Variants in RLIM observed in about 807,000 individuals in gnomAD.
The protein encoded by RLIM is E3 ubiquitin-protein ligase RLIM.
Under a neutral mutation model 34.0 loss-of-function variants are expected in RLIM, and 2 were observed. The observed-to-expected ratio is 0.06, with a 90% CI of 0.02 to 0.19. The LOEUF (loss-of-function observed/expected upper bound fraction) is 0.19, where lower values mean the gene tolerates loss of function less well. RLIM is among the 10% of genes least tolerant of loss of function. The probability of loss-of-function intolerance (pLI) is 1.00; values close to 1 mark genes in which losing one functional copy is unlikely to be tolerated. For missense variants in RLIM, 286 were observed against 479.7 expected (o/e 0.60, Z 3.77); for synonymous variants, 169 against 164.0 (o/e 1.03, Z -0.23).
In RLIM at chrX:74,586,452, A is replaced by C. The variant is rs1212388904; in HGVS notation, c.*4988T>G. ...TAAAGCAGCTCGTGGAACTTTAATA[A>C]ACAAATCCTAATAAAAATAAATAAT... On this transcript the variant is annotated 3_prime_UTR_variant, in exon 4 of 4. Transcript: ENST00000332687. 1.8e-5 allele frequency: 2 copies of C among 112,326 alleles called. No homozygotes were observed. The highest frequency in any genetic ancestry group is 5.6e-4 in the East Asian group (2 of 3,576). 9.3% of individuals were successfully genotyped at this position (112,326 alleles called of 1,213,427 possible).
In RLIM at chrX:74,589,561, T is replaced by C. The variant is rs1427459455; in HGVS notation, c.*1879A>G. The C allele has an allele frequency of 8.9e-6, 1 of 112,407 alleles. No individual in the cohort carries two copies. The highest frequency in any genetic ancestry group is 3.2e-5 in the African/African-American group (1 of 30,972). The allele number at this position is 112,407 out of a possible 1,213,427, so 9.3% of individuals were successfully genotyped here. A position where few individuals can be genotyped will look rare whatever the true frequency, so the allele number is the denominator to read the frequency against. The stretch of plus-strand genomic sequence containing the variant: ...TTTACAAGTTAATTTCCTTGATACT[T>C]AGATAGGATTGAAAGCCAGAAGAAA... On this transcript the variant is annotated 3_prime_UTR_variant, in exon 4 of 4. Transcript: ENST00000332687.
rs1414452640 is a variant in RLIM at position 74,584,561 on chromosome X, G to A, written c.*6879C>T. Among the ~76,000 whole-genome samples the A allele has an allele frequency of 3.6e-5, 4 of 111,080 alleles. No individual in the cohort carries two copies. On this transcript the variant is annotated 3_prime_UTR_variant, in exon 4 of 4. Transcript: ENST00000332687. ...AGTTTATAATCCACCCAGATTTATC[G>A]AATCCTTTCTTCTAGGTATCTGGGG...
At position 74,584,027 on chromosome X, in the gene RLIM, A is replaced by G. The variant is rs774484293; in HGVS notation, c.*7413T>C. On this transcript the variant is annotated 3_prime_UTR_variant, in exon 4 of 4. Coordinates refer to ENST00000332687, the MANE Select transcript of RLIM (RefSeq NM_016120.4). ...ACCATTGCACTCCAGCCTGGGCGAC[A>G]GGGCGAGAATCCATCTCAAACAAAC... 8.9e-6 allele frequency among the ~76,000 whole-genome samples: 1 copy of G among 112,008 alleles called. No homozygotes were observed. The highest frequency in any genetic ancestry group is 3.3e-5 in the African/African-American group (1 of 30,766).
At chrX:74,610,908 A>AAT (rs2079707972) in intron 1 of RLIM, among the ~76,000 whole-genome samples, 1 of 111,494 alleles carries the variant, frequency 9.0e-6, no homozygotes, top group Non-Finnish European at 1.9e-5. Flanking sequence ...AAAAAAATAA[A>AAT]AAATAAATAA....
rs2079615926 is a variant in RLIM, at chrX:74,591,877, T to C, written c.1438A>G (p.Ser480Gly). ...GTTTCTGAACTTTCACCACCGGAAC[T>C]GGAACTAGGACTGGAACTGGAACTT... ...SSSSSSSPSS[S>G]SGGESSETSS... Residue 480 changes from serine to glycine, a missense_variant, in exon 4 of 4, where the codon AGT becomes GGT. Around this residue, in one of 6 missense-constraint regions of RLIM, gnomAD observed 69 missense variants for 83.5 expected, o/e 0.83. Coordinates refer to ENST00000332687, the MANE Select transcript of RLIM (RefSeq NM_016120.4). 2 of 1,209,425 alleles carry C rather than the reference T, an allele frequency of 1.7e-6. No individual in the cohort carries two copies. Among genetic ancestry groups the C allele is most frequent in the Non-Finnish European group, 2.2e-6 (2 of 894,924 alleles).
chrX:74,585,603 AAT>A lies in RLIM; in HGVS notation c.*5835_*5836del, dbSNP rs1931329411. The A allele has an allele frequency of 8.9e-6, 1 of 112,303 alleles. No individual in the cohort carries two copies. The highest frequency in any genetic ancestry group is 3.7e-4 in the South Asian group (1 of 2,731). The allele number at this position is 112,303 out of a possible 1,213,427, so 9.3% of individuals were successfully genotyped here. A position where few individuals can be genotyped will look rare whatever the true frequency, so the allele number is the denominator to read the frequency against. On this transcript the variant is annotated 3_prime_UTR_variant, in exon 4 of 4. Transcript: ENST00000332687. ...AACTATTAATAATCAAACCAGCTTT[AAT>A]ATGATTGACCTTTCAAGGTCTTGTT...
At chrX:74,601,805 T>A (rs2079662663) in intron 1 of RLIM, among the ~76,000 whole-genome samples, 1 of 111,833 alleles carries the variant, frequency 8.9e-6, no homozygotes, top group African/African-American at 3.3e-5. Context: ...ATAGGAATTA[T>A]CTGGAAATCT....
chrX:74,606,335 T>C (rs1231101852), intron 1 of RLIM, among the ~76,000 whole-genome samples: 1 of 111,880 alleles, frequency 8.9e-6, no homozygotes, highest in Non-Finnish European at 1.9e-5. Flanking sequence ...GCTACTCATC[T>C]GGTCAATGAA....
At chrX:74,603,944 A>C (rs977964940) in intron 1 of RLIM, among the ~76,000 whole-genome samples, 1 of 110,049 alleles carries the variant, frequency 9.1e-6, no homozygotes, top group Non-Finnish European at 1.9e-5. Context: ...CCCCGTCTCT[A>C]CTAAAAATAC....
At position 74,595,920 on chromosome X, in the gene RLIM, T is replaced by G; in HGVS notation, c.58A>C (p.Arg20=). 3 of 1,207,981 alleles carry G rather than the reference T, an allele frequency of 2.5e-6. No homozygotes were observed. The highest frequency in any genetic ancestry group is 2.2e-6 in the Non-Finnish European group (2 of 892,771). ...CGATCCAATCGGTCCATCTGACTTC[T>G]GCGCTGTGCTGCAGACTGATCACCA... ...GSGDQSAAQR[R]SQMDRLDREE... Residue 20 remains arginine, a synonymous_variant, in exon 2 of 4, where the codon AGA becomes CGA. Coordinates refer to ENST00000332687, the MANE Select transcript of RLIM (RefSeq NM_016120.4).
At chrX:74,607,941 G>GT (rs2079689665) in intron 1 of RLIM, among the ~76,000 whole-genome samples, 1 of 112,568 alleles carries the variant, frequency 8.9e-6, no homozygotes, top group Admixed American at 9.4e-5. Context: ...ATATCATTAC[G>GT]TATGTAGGCA....
At chrX:74,599,085 G>A (rs2079651161) in intron 1 of RLIM, among the ~76,000 whole-genome samples, 1 of 111,677 alleles carries the variant, frequency 9.0e-6, no homozygotes, top group Non-Finnish European at 1.9e-5. Context: ...GAAAAACTGT[G>A]AGAATTTGGT....
At chrX:74,598,261 A>G (rs1339973801) in intron 1 of RLIM, among the ~76,000 whole-genome samples, 8 of 111,731 alleles carry the variant, frequency 7.2e-5, no homozygotes, top group Non-Finnish European at 1.9e-5. Flanking sequence ...TAACTGTGCA[A>G]CTGAGGAGCT....
intron 1 of RLIM, among the ~76,000 whole-genome samples, chrX:74,602,454 G>A (rs1268315291): frequency 5.4e-5 from 6 of 111,501 alleles, no homozygotes; most frequent in Non-Finnish European, 3.8e-5. Flanking sequence ...GTAGAAGGCC[G>A]GACACGGTGG....
In RLIM at chrX:74,584,023, C is replaced by T. The variant is rs1314538880; in HGVS notation, c.*7417G>A. ...TCGCACCATTGCACTCCAGCCTGGGCGACAGGGCGAGAATCCATCTCAAAC... is the reference window on the plus strand; with the variant it reads ...TCGCACCATTGCACTCCAGCCTGGGTGACAGGGCGAGAATCCATCTCAAAC... On this transcript the variant is annotated 3_prime_UTR_variant, in exon 4 of 4. Coordinates refer to ENST00000332687, the MANE Select transcript of RLIM (RefSeq NM_016120.4). Among the ~76,000 whole-genome samples, 2 of 111,436 alleles carry T rather than the reference C, an allele frequency of 1.8e-5. No individual in the cohort carries two copies. Among genetic ancestry groups the T allele is most frequent in the African/African-American group, 3.3e-5 (1 of 30,609 alleles).
At chrX:74,602,203 G>A (rs75436887) in intron 1 of RLIM, among the ~76,000 whole-genome samples, 2 of 111,065 alleles carry the variant, frequency 1.8e-5, no homozygotes, top group East Asian at 5.6e-4. Flanking sequence ...ATCCTACCTC[G>A]GACACTTTAT....
At chrX:74,601,930 G>A (rs2079663328) in intron 1 of RLIM, among the ~76,000 whole-genome samples, 1 of 111,604 alleles carries the variant, frequency 9.0e-6, no homozygotes, top group Non-Finnish European at 1.9e-5. Flanking sequence ...TGAGTAGTAA[G>A]GAGCTTGATG....
In RLIM at chrX:74,591,274, TC is replaced by T; in HGVS notation, c.*165del. 1 of 461,889 alleles carries T rather than the reference TC, an allele frequency of 2.2e-6. No homozygotes were observed. Among genetic ancestry groups the T allele is most frequent in the Non-Finnish European group, 3.6e-6 (1 of 275,051 alleles). 38.1% of individuals were successfully genotyped at this position (461,889 alleles called of 1,213,427 possible). ...TGGCTTTTAAAATATTTCCTTTTAT[TC>T]TGGAACAAAAACTGGAGAAAGGACA... On this transcript the variant is annotated 3_prime_UTR_variant, in exon 4 of 4. Transcript: ENST00000332687.
At position 74,591,625 on chromosome X, in the gene RLIM, T is replaced by A; in HGVS notation, c.1690A>T (p.Asn564Tyr). ...ACACTACAGGTTTTTAATGCATCAT[T>A]TTCACCAAAACTTCTCATTGCCAAG... The part of the protein sequence containing the change: ...DNLAMRSFGE[N>Y]DALKTCSVCI... Residue 564 changes from asparagine to tyrosine, a missense_variant, in exon 4 of 4, where the codon AAT becomes TAT. This residue lies in a region of RLIM where 14 missense variants were observed against 63.2 expected (regional missense o/e 0.22). Coordinates refer to ENST00000332687, the MANE Select transcript of RLIM (RefSeq NM_016120.4). 1 of 1,211,811 alleles carries A rather than the reference T, an allele frequency of 8.3e-7. No individual in the cohort carries two copies. The highest frequency in any genetic ancestry group is 1.1e-6 in the Non-Finnish European group (1 of 895,511).
Sources: allele counts gnomAD v4.1 joint callset (sites outside exome capture counted in the v4.1 genomes callset), GRCh38; gene constraint gnomAD v4.1.1; regional missense constraint gnomAD v4.1.1; transcripts MANE v1.5; gene names NCBI Gene and HGNC (gene_info 2026-07-23, HGNC 2026-07-21).